The following CLTC variants were observed in gnomAD, a reference collection of about 807,000 sequenced individuals.
The protein encoded by CLTC is clathrin heavy chain.
CLTC carries 16 observed loss-of-function variants against 195.8 expected under a neutral mutation model. The ratio of observed to expected loss-of-function variants is 0.08; its 90% confidence interval spans 0.06 to 0.12. The LOEUF (loss-of-function observed/expected upper bound fraction) is 0.12, where lower values mean the gene tolerates loss of function less well. CLTC is among the 10% of genes least tolerant of loss of function. The pLI, the probability that CLTC is intolerant of heterozygous loss-of-function variation, is 1.00. For missense variants in CLTC, 796 were observed against 2,027.0 expected, an observed-to-expected ratio of 0.39 and a Z score of 11.66; for synonymous variants, 667 against 689.4, an observed-to-expected ratio of 0.97 and a Z score of 0.51.
chr17:59,676,818 A>T lies in CLTC; in HGVS notation c.2562-136A>T. On this transcript the variant is annotated intron_variant, in intron 16 of 31. Transcript: ENST00000269122. Reference sequence around the variant, plus strand: ...CACTGCACTTCAGCCTGGACAATGTAGCAATACTCGGGGGGCGGGGAAAAA... The same window carrying T: ...CACTGCACTTCAGCCTGGACAATGTTGCAATACTCGGGGGGCGGGGAAAAA... 4 of 664,410 alleles carry T rather than the reference A, an allele frequency of 6.0e-6. No individual in the cohort carries two copies. The South Asian group carries it at 7.5e-5, about 12-fold the overall frequency. 41.2% of individuals were successfully genotyped at this position (664,410 alleles called of 1,614,324 possible).
intron 2 of CLTC, among the ~76,000 whole-genome samples, chr17:59,645,283 A>G (rs1276072512): frequency 6.6e-6 from 1 of 152,116 alleles, no homozygotes; most frequent in Non-Finnish European, 1.5e-5. Flanking sequence ...ATTTACAGTA[A>G]TTGTTTAAAG....
At chr17:59,674,565 G>A in intron 15 of CLTC, 136 bp from the exon 16 acceptor site, 1 of 738,104 alleles carries the variant, frequency 1.4e-6, no homozygotes. Flanking sequence ...TAGACCCTCA[G>A]TTTATTACTG....
chr17:59,676,931 A>AG (rs2032979266), intron 16 of CLTC, 23 bp from the exon 17 acceptor site: 1 of 1,530,620 alleles, frequency 6.5e-7, no homozygotes, highest in African/African-American at 1.4e-5. Context: ...TGTGTGTGTG[A>AG]GGTTTTTTTC....
rs1275905779 is a variant in CLTC, at chr17:59,683,409, C to T, written c.4064C>T (p.Ala1355Val). The change falls in exon 26 of 32, where the codon GCT becomes GTT. Residue 1355 changes from alanine (A) to valine (V), a missense_variant. Ala to Val is a moderately conservative substitution (Grantham distance 64). Coordinates refer to ENST00000269122, the MANE Select transcript of CLTC (RefSeq NM_004859.4). This position sits in a 1 kb window ranked among gnomAD's most constrained non-coding sequence, Gnocchi z 6.1. ...CAGGTGCTAAGAGCTGCAGAACAAG[C>T]TCATCTTTGGGCAGAACTGGTGTTT... ...IPKVLRAAEQ[A>V]HLWAELVFLY... is the part of the protein sequence containing the mutation. The T allele has an allele frequency of 6.2e-7, 1 of 1,613,112 alleles. No individual in the cohort carries two copies. Among genetic ancestry groups the T allele is most frequent in the Non-Finnish European group, 8.5e-7 (1 of 1,179,632 alleles).
intron 31 of CLTC, among the ~76,000 whole-genome samples, chr17:59,691,070 A>T (rs1332320902): frequency 6.6e-6 from 1 of 152,234 alleles, no homozygotes; most frequent in Non-Finnish European, 1.5e-5. Context: ...TGTCTTTAGT[A>T]TGCTTTACAT....
rs527466302 is a variant in CLTC at position 59,692,048 on chromosome 17, G to A, written c.4903+1337G>A. ...AACTGGTTTCTGTTGGCTGGGTGCA[G>A]TGGCTCACGCCTGTAATCCCAGCAC... On this transcript the variant is annotated intron_variant, in intron 31 of 31. Coordinates refer to ENST00000269122, the MANE Select transcript of CLTC (RefSeq NM_004859.4). Among the ~76,000 whole-genome samples, 3 of 152,334 alleles carry A rather than the reference G, an allele frequency of 2.0e-5. No homozygotes were observed. The East Asian group carries it at 5.8e-4, about 29-fold the overall frequency.
intron 4 of CLTC, among the ~76,000 whole-genome samples, chr17:59,650,347 T>TA (rs1000751108): frequency 3.9e-5 from 6 of 152,282 alleles, no homozygotes; most frequent in Admixed American, 2.0e-4. Flanking sequence ...TTTAACAACT[T>TA]AGGTTTCTAT....
rs369042448 is a variant in CLTC at position 59,673,730 on chromosome 17, T to C, written c.2376T>C (p.Tyr792=). 5.5e-6 allele frequency: 8 copies of C among 1,463,810 alleles called. No individual in the cohort carries two copies. Among genetic ancestry groups the C allele is most frequent in the Admixed American group, 3.3e-5 (2 of 59,708 alleles). The allele number at this position is 1,463,810 out of a possible 1,614,324, so 90.7% of individuals were successfully genotyped here. ...TCCATGATTTGGTGCTCTATTTATA[T>C]AGAAATAATCTTCAAAAGTATATAG... ...DFVHDLVLYL[Y]RNNLQKYIEI... is the part of the protein sequence containing the mutation. Residue 792 remains tyrosine, a synonymous_variant, in exon 15 of 32, where the codon TAT becomes TAC. Coordinates refer to ENST00000269122, the MANE Select transcript of CLTC (RefSeq NM_004859.4).
At chr17:59,672,805 A>T (rs1598232693) in intron 14 of CLTC, among the ~76,000 whole-genome samples, 1 of 152,302 alleles carries the variant, frequency 6.6e-6, no homozygotes, top group Non-Finnish European at 1.5e-5. Context: ...CACTGGGGAA[A>T]GTTCTACCCT....
At chr17:59,671,072 A>G (rs745419758) in intron 14 of CLTC, 1 of 152,196 alleles carries the variant, frequency 6.6e-6, no homozygotes, top group Non-Finnish European at 1.5e-5. Flanking sequence ...GGCAGTAACT[A>G]TTACTGATAA....
At chr17:59,659,374 T>G (rs980411852) in intron 6 of CLTC, among the ~76,000 whole-genome samples, 2 of 152,130 alleles carry the variant, frequency 1.3e-5, no homozygotes, top group African/African-American at 4.8e-5. Flanking sequence ...TGAGGGTAGG[T>G]AATTTTCCAA....
At position 59,651,684 on chromosome 17, in the gene CLTC, G is replaced by A. The variant is rs576583155; in HGVS notation, c.795+368G>A. Among the ~76,000 whole-genome samples, 7 of 152,312 alleles carry A rather than the reference G, an allele frequency of 4.6e-5. No homozygotes were observed. In the East Asian group the frequency reaches 1.2e-3, roughly 25 times the overall value. ...TACTGTAATTTAAAAATACTTTATT[G>A]CTAAAAAATGTTAATGATTATTTGA... On this transcript the variant is annotated intron_variant, in intron 5 of 31. Transcript: ENST00000269122.
At chr17:59,672,738 C>T (rs2032880638) in intron 14 of CLTC, among the ~76,000 whole-genome samples, 1 of 151,950 alleles carries the variant, frequency 6.6e-6, no homozygotes, top group South Asian at 2.1e-4. Context: ...AACTAATATC[C>T]CCTAGTCTCA....
chr17:59,633,415 C>G (rs1182056538), intron 1 of CLTC, among the ~76,000 whole-genome samples: 1 of 152,120 alleles, frequency 6.6e-6, no homozygotes, highest in African/African-American at 2.4e-5. Context: ...ATGGCTTGAA[C>G]CCGGGAGGCA....
In CLTC at chr17:59,694,808, AAAG is replaced by A; in HGVS notation, c.*959_*961del. The A allele has an allele frequency of 4.4e-6, 1 of 226,746 alleles. No individual in the cohort carries two copies. 14.0% of individuals were successfully genotyped at this position (226,746 alleles called of 1,614,324 possible). A position where few individuals can be genotyped will look rare whatever the true frequency, so the allele number is the denominator to read the frequency against. On this transcript the variant is annotated 3_prime_UTR_variant, in exon 32 of 32. Coordinates refer to ENST00000269122, the MANE Select transcript of CLTC (RefSeq NM_004859.4). Reference sequence around the variant, plus strand: ...TTTTAATTAAATACCACTCAAACGAAAAGAACAGTAGTTTTTGTAGTTTTATAT... The same window carrying A: ...TTTTAATTAAATACCACTCAAACGAAAACAGTAGTTTTTGTAGTTTTATAT...
At chr17:59,629,156 A>C (rs2031637864) in intron 1 of CLTC, among the ~76,000 whole-genome samples, 1 of 152,186 alleles carries the variant, frequency 6.6e-6, no homozygotes, top group African/African-American at 2.4e-5. Context: ...GGTTTACAAA[A>C]ACCCATCTCT....
intron 6 of CLTC, among the ~76,000 whole-genome samples, chr17:59,657,012 T>C (rs1382784482): frequency 6.6e-6 from 1 of 152,196 alleles, no homozygotes; most frequent in Non-Finnish European, 1.5e-5. Context: ...GGAGCTATGT[T>C]AATTTTCTGA....
intron 13 of CLTC, among the ~76,000 whole-genome samples, chr17:59,667,740 A>G (rs560769625): frequency 6.6e-6 from 1 of 152,284 alleles, no homozygotes; most frequent in South Asian, 2.1e-4. Context: ...GTGACAACCA[A>G]AAATGTCTTC....
chr17:59,677,408 G>C (rs2032990082), intron 17 of CLTC, among the ~76,000 whole-genome samples: 1 of 151,992 alleles, frequency 6.6e-6, no homozygotes, highest in Non-Finnish European at 1.5e-5. Flanking sequence ...AACCCCACTA[G>C]CCTTACCATT....
Sources: allele counts gnomAD v4.1 joint callset (sites outside exome capture counted in the v4.1 genomes callset), GRCh38; gene constraint gnomAD v4.1.1; non-coding constraint Gnocchi (gnomAD v3.1); transcripts MANE v1.5; gene names NCBI Gene and HGNC (gene_info 2026-07-23, HGNC 2026-07-21).